HOXC11: variants seen among roughly 807,000 people sequenced by gnomAD.
HOXC11 encodes homeobox protein Hox-C11.
A neutral mutation model predicts 23.6 loss-of-function variants in HOXC11; 17 were observed. The observed-to-expected ratio is 0.72, with a 90% CI of 0.49 to 1.08. HOXC11 has a LOEUF of 1.08. Among genes scored for constraint, HOXC11 ranks in the 50% least tolerant of loss-of-function variants. The pLI, the probability that HOXC11 is intolerant of heterozygous loss-of-function variation, is 0.00. For missense variants in HOXC11, 413 were observed against 412.1 expected (o/e 1.00, Z -0.02); for synonymous variants, 196 against 183.8 (o/e 1.07, Z -0.54).
In HOXC11 at chr12:53,976,241, G is replaced by T; in HGVS notation, c.*828G>T. On this transcript the variant is annotated 3_prime_UTR_variant, in exon 2 of 2. Transcript: ENST00000546378. ...GGATTTTTGTAAATAAATTTCCCAAGCGTTTCTTTCCACCTGGAGGGAAAG... is the reference window on the plus strand; with the variant it reads ...GGATTTTTGTAAATAAATTTCCCAATCGTTTCTTTCCACCTGGAGGGAAAG... 4.5e-6 allele frequency: 1 copy of T among 220,212 alleles called. No individual in the cohort carries two copies. The highest frequency in any genetic ancestry group is 6.5e-5 in the East Asian group (1 of 15,354). The allele number at this position is 220,212 out of a possible 1,614,324, so 13.6% of individuals were successfully genotyped here.
In HOXC11 at chr12:53,973,192, G is replaced by T. The variant is rs1298338372; in HGVS notation, c.-50G>T. 6 of 1,474,570 alleles carry T rather than the reference G, an allele frequency of 4.1e-6. No homozygotes were observed. The highest frequency in any genetic ancestry group is 4.5e-6 in the Non-Finnish European group (5 of 1,103,634). The allele number at this position is 1,474,570 out of a possible 1,614,324, so 91.3% of individuals were successfully genotyped here. A position where few individuals can be genotyped will look rare whatever the true frequency, so the allele number is the denominator to read the frequency against. Reference sequence around the variant, plus strand: ...TCGCCTTCCCAAATTTTCCCCCCTCGCTAGACCGGGTCCAAAACCTCCATC... The same window carrying T: ...TCGCCTTCCCAAATTTTCCCCCCTCTCTAGACCGGGTCCAAAACCTCCATC... On this transcript the variant is annotated 5_prime_UTR_variant, in exon 1 of 2. Coordinates refer to ENST00000546378, the MANE Select transcript of HOXC11 (RefSeq NM_014212.4). The surrounding 1 kb of genome is among the most constrained non-coding windows in gnomAD (Gnocchi z 4.3).
chr12:53,975,143 C>A, intron 1 of HOXC11, 38 bp from the exon 2 acceptor site: 1 of 802,584 alleles, frequency 1.2e-6, no homozygotes, highest in East Asian at 2.6e-5. Context: ...TGTCTCTCTC[C>A]CCCCTCTCCT....
Position 53,973,495 on chromosome 12 carries a change from A to T in HOXC11, c.254A>T (p.His85Leu). 6.2e-7 allele frequency: 1 copy of T among 1,613,910 alleles called. No individual in the cohort carries two copies. Among genetic ancestry groups the T allele is most frequent in the South Asian group, 1.1e-5 (1 of 91,058 alleles). The change falls in exon 1 of 2, where the codon CAT (histidine) becomes CTT (leucine). Residue 85 changes from histidine to leucine, a missense_variant. Physicochemically the swap from His to Leu is moderately conservative, Grantham distance 99. Coordinates refer to ENST00000546378, the MANE Select transcript of HOXC11 (RefSeq NM_014212.4). This position sits in a 1 kb window ranked among gnomAD's most constrained non-coding sequence, Gnocchi z 4.3. ...YGLEPSGKWH[H>L]RNSYSSCYAA... ...CTGGAGCCATCCGGCAAGTGGCACC[A>T]TCGGAACAGCTACTCCTCCTGCTAT...
chr12:53,973,307 C>T lies in HOXC11; in HGVS notation c.66C>T (p.Phe22=), dbSNP rs767025016. 13 of 1,613,866 alleles carry T rather than the reference C, an allele frequency of 8.1e-6. No homozygotes were observed. The highest frequency in any genetic ancestry group is 1.1e-5 in the Non-Finnish European group (13 of 1,180,022). The part of the protein sequence containing the change: ...SPSRKERGAD[F]GERGSCASNL... ...CGCGCAAGGAGAGGGGCGCAGATTT[C>T]GGCGAGCGAGGGAGCTGCGCCTCCA... The change falls in exon 1 of 2, where the codon TTC becomes TTT. Residue 22 remains phenylalanine, a synonymous_variant. Coordinates refer to ENST00000546378, the MANE Select transcript of HOXC11 (RefSeq NM_014212.4). This position sits in a 1 kb window ranked among gnomAD's most constrained non-coding sequence, Gnocchi z 4.3.
rs375478114 is a variant in HOXC11, at chr12:53,973,545, C to A, written c.304C>A (p.Arg102=). 2 of 1,613,464 alleles carry A rather than the reference C, an allele frequency of 1.2e-6. No homozygotes were observed. The highest frequency in any genetic ancestry group is 1.7e-6 in the Non-Finnish European group (2 of 1,179,980). ...CYAAADELMH[R]ECLPPSTVTE... ...TGCGGCGGCCGACGAGCTTATGCACCGGGAGTGCCTGCCTCCTTCCACCGT... is the reference window on the plus strand; with the variant it reads ...TGCGGCGGCCGACGAGCTTATGCACAGGGAGTGCCTGCCTCCTTCCACCGT... Residue 102 remains arginine, a synonymous_variant, in exon 1 of 2, where the codon CGG becomes AGG. Transcript: ENST00000546378. The surrounding 1 kb of genome is among the most constrained non-coding windows in gnomAD (Gnocchi z 4.3).
rs1190687018 is a variant in HOXC11 at position 53,975,647 on chromosome 12, G to A, written c.*234G>A. 1 of 608,934 alleles carries A rather than the reference G, an allele frequency of 1.6e-6. No individual in the cohort carries two copies. Among genetic ancestry groups the A allele is most frequent in the Non-Finnish European group, 2.9e-6 (1 of 342,880 alleles). 37.7% of individuals were successfully genotyped at this position (608,934 alleles called of 1,614,324 possible). ...AAGGGGGTGAAGGGAAGTGTCTGATGCACGGCGAGTGAACACCGTTGGCGC... is the reference window on the plus strand; with the variant it reads ...AAGGGGGTGAAGGGAAGTGTCTGATACACGGCGAGTGAACACCGTTGGCGC... On this transcript the variant is annotated 3_prime_UTR_variant, in exon 2 of 2. Coordinates refer to ENST00000546378, the MANE Select transcript of HOXC11 (RefSeq NM_014212.4).
Position 53,977,526 on chromosome 12 carries a change from T to C in HOXC11, c.*2113T>C, listed in dbSNP as rs1939282089. On this transcript the variant is annotated 3_prime_UTR_variant, in exon 2 of 2. Coordinates refer to ENST00000546378, the MANE Select transcript of HOXC11 (RefSeq NM_014212.4). ...GTATATGCAGCCCACAATTCCCTCA[T>C]GTGCCCACACACAAACGTTTTATTT... 6.6e-6 allele frequency: 1 copy of C among 152,200 alleles called. No individual in the cohort carries two copies. 9.4% of individuals were successfully genotyped at this position (152,200 alleles called of 1,614,324 possible).
Position 53,977,542 on chromosome 12 carries a change from C to T in HOXC11, c.*2129C>T, listed in dbSNP as rs753608726. On this transcript the variant is annotated 3_prime_UTR_variant, in exon 2 of 2. Coordinates refer to ENST00000546378, the MANE Select transcript of HOXC11 (RefSeq NM_014212.4). Reference sequence around the variant, plus strand: ...ATTCCCTCATGTGCCCACACACAAACGTTTTATTTAACTCGGTGTGCCTAT... The same window carrying T: ...ATTCCCTCATGTGCCCACACACAAATGTTTTATTTAACTCGGTGTGCCTAT... The T allele has an allele frequency of 5.9e-5, 9 of 152,104 alleles. 1 individual carries two copies. Among genetic ancestry groups the T allele is most frequent in the Admixed American group, 6.5e-5 (1 of 15,272 alleles). The allele number at this position is 152,104 out of a possible 1,614,324, so 9.4% of individuals were successfully genotyped here.
chr12:53,974,479 CTA>C (rs1263919281), intron 1 of HOXC11, among the ~76,000 whole-genome samples: 2 of 152,042 alleles, frequency 1.3e-5, no homozygotes, highest in Non-Finnish European at 2.9e-5. Flanking sequence ...AATGTTCAAA[CTA>C]TGTGTTCGCG....
In HOXC11 at chr12:53,973,248, A is replaced by G. The variant is rs1310789581; in HGVS notation, c.7A>G (p.Asn3Asp). The change falls in exon 1 of 2, where the codon AAC (asparagine) becomes GAC (aspartate). Residue 3 changes from asparagine to aspartate, a missense_variant. Coordinates refer to ENST00000546378, the MANE Select transcript of HOXC11 (RefSeq NM_014212.4). The surrounding 1 kb of genome is among the most constrained non-coding windows in gnomAD (Gnocchi z 4.3). MF[N>D]SVNLGNFCSP... ...CCGGCAGGAGAGGAGAACGATGTTT[A>G]ACTCGGTCAACCTGGGCAACTTCTG... 6.3e-7 allele frequency: 1 copy of G among 1,594,504 alleles called. No individual in the cohort carries two copies. The highest frequency in any genetic ancestry group is 1.1e-5 in the South Asian group (1 of 87,682).
In HOXC11 at chr12:53,976,040, T is replaced by A. The variant is rs1939252363; in HGVS notation, c.*627T>A. On this transcript the variant is annotated 3_prime_UTR_variant, in exon 2 of 2. Coordinates refer to ENST00000546378, the MANE Select transcript of HOXC11 (RefSeq NM_014212.4). ...TGTAGAACCTTCCTTTGAAATTTCT[T>A]AATCGGTGCATTGAGGTTTCCACAT... 4.2e-6 allele frequency: 1 copy of A among 236,372 alleles called. No individual in the cohort carries two copies. The highest frequency in any genetic ancestry group is 8.3e-6 in the Non-Finnish European group (1 of 120,294). 14.6% of individuals were successfully genotyped at this position (236,372 alleles called of 1,614,324 possible).
At position 53,973,870 on chromosome 12, in the gene HOXC11, C is replaced by T. The variant is rs896847297; in HGVS notation, c.629C>T (p.Ser210Leu). 4.8e-6 allele frequency: 7 copies of T among 1,468,092 alleles called. No homozygotes were observed. In the African/African-American group the frequency reaches 7.2e-5, roughly 15 times the overall value. The allele number at this position is 1,468,092 out of a possible 1,614,324, so 90.9% of individuals were successfully genotyped here. A position where few individuals can be genotyped will look rare whatever the true frequency, so the allele number is the denominator to read the frequency against. The stretch of plus-strand genomic sequence containing the variant: ...GAGGAGGAGAACACAAATCCCAGCT[C>T]GTCCGGTTCAGCCCACTCCGTGGCC... ...EAEEENTNPS[S>L]SGSAHSVAKE... The change falls in exon 1 of 2, where the codon TCG (serine) becomes TTG (leucine). Residue 210 changes from serine to leucine, a missense_variant. By Grantham distance (145) the Ser-to-Leu change is moderately radical. Coordinates refer to ENST00000546378, the MANE Select transcript of HOXC11 (RefSeq NM_014212.4). The surrounding 1 kb of genome is among the most constrained non-coding windows in gnomAD (Gnocchi z 4.3).
chr12:53,973,237 GAACGATGTTT>G lies in HOXC11; in HGVS notation c.-1_9del. On this transcript the variant is annotated start_lost and 5_prime_UTR_variant, in exon 1 of 2. Coordinates refer to ENST00000546378, the MANE Select transcript of HOXC11 (RefSeq NM_014212.4). The surrounding 1 kb of genome is among the most constrained non-coding windows in gnomAD (Gnocchi z 4.3). ...TCCATCCGGAGCCGGCAGGAGAGGA[GAACGATGTTT>G]AACTCGGTCAACCTGGGCAACTTCT... The G allele has an allele frequency of 1.3e-6, 2 of 1,570,866 alleles. No individual in the cohort carries two copies. Among genetic ancestry groups the G allele is most frequent in the Non-Finnish European group, 1.7e-6 (2 of 1,161,286 alleles).
Position 53,973,950 on chromosome 12 carries a change from C to T in HOXC11, c.682+27C>T. The T allele has an allele frequency of 7.0e-7, 1 of 1,427,330 alleles. No homozygotes were observed. The highest frequency in any genetic ancestry group is 9.2e-7 in the Non-Finnish European group (1 of 1,088,644). 88.4% of individuals were successfully genotyped at this position (1,427,330 alleles called of 1,614,324 possible). A position where few individuals can be genotyped will look rare whatever the true frequency, so the allele number is the denominator to read the frequency against. The stretch of plus-strand genomic sequence containing the variant: ...TAGGTAGCAGCGGCCGGGGAACGGG[C>T]GGGCAGCGAGGGAGGGAGCGAGAGA... On this transcript the variant is annotated intron_variant, in intron 1 of 1. Coordinates refer to ENST00000546378, the MANE Select transcript of HOXC11 (RefSeq NM_014212.4). The surrounding 1 kb of genome is among the most constrained non-coding windows in gnomAD (Gnocchi z 4.3).
chr12:53,973,507 ACTC>A lies in HOXC11; in HGVS notation c.272_274del (p.Ser91del), dbSNP rs2136375564. The A allele has an allele frequency of 6.2e-7, 1 of 1,612,302 alleles. No individual in the cohort carries two copies. Among genetic ancestry groups the A allele is most frequent in the Non-Finnish European group, 8.5e-7 (1 of 1,179,518 alleles). ...GGCAAGTGGCACCATCGGAACAGCT[ACTC>A]CTCCTGCTATGCGGCGGCCGACGAG... On this transcript the variant is annotated inframe_deletion, in exon 1 of 2. Coordinates refer to ENST00000546378, the MANE Select transcript of HOXC11 (RefSeq NM_014212.4). The surrounding 1 kb of genome is among the most constrained non-coding windows in gnomAD (Gnocchi z 4.3).
rs544712847 is a variant in HOXC11 at position 53,974,034 on chromosome 12, A to G, written c.682+111A>G. On this transcript the variant is annotated intron_variant, in intron 1 of 1. Coordinates refer to ENST00000546378, the MANE Select transcript of HOXC11 (RefSeq NM_014212.4). ...CGGGGACGGCCTCGTGTTTTGGGTC[A>G]GTCCGATTTTATGTGGAGTTTTATA... is the stretch of plus-strand genomic sequence containing the variant. The G allele has an allele frequency of 1.3e-3, 1,142 of 866,226 alleles. 2 individuals carry two copies. The highest frequency in any genetic ancestry group is 1.8e-3 in the Non-Finnish European group (1,079 of 596,940). The allele number at this position is 866,226 out of a possible 1,614,324, so 53.7% of individuals were successfully genotyped here. A position where few individuals can be genotyped will look rare whatever the true frequency, so the allele number is the denominator to read the frequency against.
chr12:53,975,147 C>A (rs945786224), intron 1 of HOXC11, 34 bp from the exon 2 acceptor site: 5 of 921,138 alleles, frequency 5.4e-6, no homozygotes, highest in Non-Finnish European at 1.7e-6. Flanking sequence ...TCTCTCCCCC[C>A]TCTCCTCGCA....
Position 53,973,833 on chromosome 12 carries a change from G to C in HOXC11, c.592G>C (p.Glu198Gln). The C allele has an allele frequency of 1.3e-6, 2 of 1,510,908 alleles. No homozygotes were observed. The highest frequency in any genetic ancestry group is 3.6e-4 in the Middle Eastern group (2 of 5,542). The allele number at this position is 1,510,908 out of a possible 1,614,324, so 93.6% of individuals were successfully genotyped here. A position where few individuals can be genotyped will look rare whatever the true frequency, so the allele number is the denominator to read the frequency against. ...GLASRAEAGA[E>Q]AEAEEENTNP... ...GGCGTCCCGGGCTGAGGCGGGTGCCGAGGCGGAGGCTGAGGAGGAGAACAC... is the reference window on the plus strand; with the variant it reads ...GGCGTCCCGGGCTGAGGCGGGTGCCCAGGCGGAGGCTGAGGAGGAGAACAC... The change falls in exon 1 of 2, where the codon GAG becomes CAG. Residue 198 changes from glutamate to glutamine, a missense_variant. Coordinates refer to ENST00000546378, the MANE Select transcript of HOXC11 (RefSeq NM_014212.4). This position sits in a 1 kb window ranked among gnomAD's most constrained non-coding sequence, Gnocchi z 4.3.
intron 1 of HOXC11, 26 bp from the exon 2 acceptor site, chr12:53,975,155 G>C (rs1279227860): frequency 7.7e-6 from 8 of 1,038,422 alleles, no homozygotes; most frequent in Middle Eastern, 3.3e-4. Context: ...CCCTCTCCTC[G>C]CACTTGCCCC....
Sources: gnomAD v4.1 joint callset for allele counts (sites outside exome capture counted in the v4.1 genomes callset) on GRCh38, gnomAD v4.1.1 for gene constraint, Gnocchi (gnomAD v3.1) non-coding constraint, MANE v1.5 for transcripts, NCBI Gene and HGNC (gene_info 2026-07-23, HGNC 2026-07-21) for gene names.